Variants in TMPRSS11F observed in about 807,000 individuals in gnomAD.
TMPRSS11F encodes the protein transmembrane serine protease 11F.
TMPRSS11F carries 47 observed loss-of-function variants against 60.2 expected under a neutral mutation model. The observed-to-expected ratio is 0.78, with a 90% CI of 0.62 to 1.00. The LOEUF (loss-of-function observed/expected upper bound fraction) is 1.00. Among genes scored for constraint, TMPRSS11F ranks in the 50% least tolerant of loss-of-function variants. TMPRSS11F has a pLI of 0.00. For missense variants in TMPRSS11F, 519 were observed against 522.9 expected (o/e 0.99, Z 0.07); for synonymous variants, 166 against 167.3 (o/e 0.99, Z 0.06).
In TMPRSS11F at chr4:68,068,626, G is replaced by C. The variant is rs968003729; in HGVS notation, c.747C>G (p.Cys249Trp). The change falls in exon 7 of 10, where the codon TGC becomes TGG. Residue 249 changes from cysteine to tryptophan, a missense_variant. Coordinates refer to ENST00000356291, the MANE Select transcript of TMPRSS11F (RefSeq NM_207407.2). ...SNTWLLTAAH[C>W]FWKNKDPTQW... Reference sequence around the variant, plus strand: ...AGCCTTGGTTAACTTACTTCCAAAAGCAGTGAGCTGCTGTGAGCAGCCATG... The same window carrying C: ...AGCCTTGGTTAACTTACTTCCAAAACCAGTGAGCTGCTGTGAGCAGCCATG... The C allele has an allele frequency of 1.2e-6, 2 of 1,613,914 alleles. No individual in the cohort carries two copies. The highest frequency in any genetic ancestry group is 3.3e-5 in the Admixed American group (2 of 60,020).
At chr4:68,062,094 C>T in intron 8 of TMPRSS11F, 1 of 451,002 alleles carries the variant, frequency 2.2e-6, no homozygotes, top group South Asian at 1.6e-5. Flanking sequence ...TGGAGGACTA[C>T]TTTTTCATAT....
At chr4:68,092,148 A>T (rs1466464709) in intron 2 of TMPRSS11F, among the ~76,000 whole-genome samples, 1 of 152,126 alleles carries the variant, frequency 6.6e-6, no homozygotes, top group African/African-American at 2.4e-5. Context: ...AATGTTGAAA[A>T]CATTTAAATA....
At chr4:68,066,585 A>T (rs926310848) in intron 7 of TMPRSS11F, among the ~76,000 whole-genome samples, 2 of 152,202 alleles carry the variant, frequency 1.3e-5, no homozygotes, top group African/African-American at 4.8e-5. Flanking sequence ...TAAAGGTTTT[A>T]AGGTTTGTCT....
rs146367574 is a variant in TMPRSS11F at position 68,129,159 on chromosome 4, A to G, written c.11+651T>C. ...AATTATTCCTTTCGAAGTCTATAAA[A>G]CAATAGCCTGAATATTACCTAAACA... On this transcript the variant is annotated intron_variant, in intron 1 of 9. Transcript: ENST00000356291. Among the ~76,000 whole-genome samples the G allele has an allele frequency of 7.9e-4, 121 of 152,264 alleles. 1 individual carries two copies. Among genetic ancestry groups the G allele is most frequent in the African/African-American group, 2.9e-3 (121 of 41,566 alleles).
intron 4 of TMPRSS11F, among the ~76,000 whole-genome samples, chr4:68,073,117 C>A (rs1407527006): frequency 6.6e-6 from 1 of 152,134 alleles, no homozygotes; most frequent in Non-Finnish European, 1.5e-5. Flanking sequence ...GCAGAAGATC[C>A]AGTGGGCAAT....
At chr4:68,103,830 C>T (rs1244006340) in intron 1 of TMPRSS11F, among the ~76,000 whole-genome samples, 4 of 152,040 alleles carry the variant, frequency 2.6e-5, no homozygotes, top group East Asian at 3.9e-4. Context: ...TTATTTCTTT[C>T]GTATTTTGTA....
intron 1 of TMPRSS11F, among the ~76,000 whole-genome samples, chr4:68,126,388 C>T (rs529640714): frequency 2.6e-5 from 4 of 152,250 alleles, no homozygotes; most frequent in Non-Finnish European, 4.4e-5. Flanking sequence ...TTTATCTCTT[C>T]AACAATAAAT....
At chr4:68,085,821 G>C (rs1172001725) in intron 3 of TMPRSS11F, among the ~76,000 whole-genome samples, 1 of 152,170 alleles carries the variant, frequency 6.6e-6, no homozygotes, top group Non-Finnish European at 1.5e-5. Context: ...AATTCAACAA[G>C]AAGACTCAGC....
At chr4:68,087,783 T>C (rs1302588379) in intron 3 of TMPRSS11F, among the ~76,000 whole-genome samples, 1 of 151,756 alleles carries the variant, frequency 6.6e-6, no homozygotes, top group Non-Finnish European at 1.5e-5. Context: ...GTTAGTTACA[T>C]ATGTATACAT....
In TMPRSS11F at chr4:68,094,537, C is replaced by A. The variant is rs1177533064; in HGVS notation, c.164-3896G>T. 5.5e-5 allele frequency among the ~76,000 whole-genome samples: 8 copies of A among 146,786 alleles called. No individual in the cohort carries two copies. The East Asian group carries it at 1.6e-3, about 29-fold the overall frequency. ...CACATTGTGAACATGTACCCTAAAA[C>A]TTAAAGTATAATAATAATAAATAAA... On this transcript the variant is annotated intron_variant, in intron 2 of 9. Transcript: ENST00000356291.
intron 3 of TMPRSS11F, among the ~76,000 whole-genome samples, chr4:68,082,780 A>C (rs1164806953): frequency 6.6e-6 from 1 of 152,234 alleles, no homozygotes; most frequent in African/African-American, 2.4e-5. Flanking sequence ...CAGAACACTG[A>C]GAAGAGTGAG....
At chr4:68,116,192 T>C (rs1238853218) in intron 1 of TMPRSS11F, among the ~76,000 whole-genome samples, 1 of 152,152 alleles carries the variant, frequency 6.6e-6, no homozygotes, top group African/African-American at 2.4e-5. Context: ...ATTTTGTAGA[T>C]AGGAAATATA....
intron 2 of TMPRSS11F, among the ~76,000 whole-genome samples, chr4:68,093,823 G>A: frequency 6.6e-6 from 1 of 150,664 alleles, no homozygotes; most frequent in East Asian, 1.9e-4. Flanking sequence ...GGCCATCAGA[G>A]AACTGCAAAT....
At chr4:68,056,035 G>A (rs1723036522) in intron 9 of TMPRSS11F, among the ~76,000 whole-genome samples, 2 of 152,118 alleles carry the variant, frequency 1.3e-5, no homozygotes, top group Non-Finnish European at 2.9e-5. Context: ...ATAGGTGTAT[G>A]TCAAACACAA....
intron 1 of TMPRSS11F, among the ~76,000 whole-genome samples, chr4:68,113,853 A>G (rs1367765945): frequency 6.6e-6 from 1 of 152,158 alleles, no homozygotes; most frequent in Non-Finnish European, 1.5e-5. Flanking sequence ...GCATATACAA[A>G]ACTAATAAAA....
intron 4 of TMPRSS11F, 88 bp from the exon 5 acceptor site, chr4:68,072,574 A>G: frequency 3.1e-6 from 3 of 970,446 alleles, no homozygotes; most frequent in South Asian, 3.1e-5. Context: ...CTTAAAAAAC[A>G]TAATGCATGA....
rs1723333845 is a variant in TMPRSS11F, at chr4:68,066,645, A to G, written c.756-1701T>C. ...ATTTCTGCAGAAAAAATAAATTTAT[A>G]AAAACTTAGGCCGGGCGCGGTGGTT... is the stretch of plus-strand genomic sequence containing the variant. On this transcript the variant is annotated intron_variant, in intron 7 of 9. Coordinates refer to ENST00000356291, the MANE Select transcript of TMPRSS11F (RefSeq NM_207407.2). Among the ~76,000 whole-genome samples, 3 of 152,300 alleles carry G rather than the reference A, an allele frequency of 2.0e-5. No individual in the cohort carries two copies. In the South Asian group the frequency reaches 6.2e-4, roughly 32 times the overall value.
intron 3 of TMPRSS11F, among the ~76,000 whole-genome samples, chr4:68,084,788 G>A (rs981680574): frequency 6.7e-6 from 1 of 148,820 alleles, no homozygotes; most frequent in African/African-American, 2.5e-5. Flanking sequence ...CATTGTGCAG[G>A]TTAGTTACAT....
chr4:68,112,253 C>T (rs1724421827), intron 1 of TMPRSS11F, among the ~76,000 whole-genome samples: 1 of 152,144 alleles, frequency 6.6e-6, no homozygotes, highest in African/African-American at 2.4e-5. Context: ...TGCCCCCACA[C>T]TTAACTGATC....
Sources: allele counts gnomAD v4.1 joint callset (sites outside exome capture counted in the v4.1 genomes callset), GRCh38; gene constraint gnomAD v4.1.1; transcripts MANE v1.5; gene names NCBI Gene and HGNC (gene_info 2026-07-23, HGNC 2026-07-21).